Variants in MAF1 observed in about 807,000 individuals in gnomAD.
The protein encoded by MAF1 is MAF1 negative regulator of RNA polymerase III.
MAF1 carries 7 observed loss-of-function variants against 31.9 expected under a neutral mutation model. That is an observed-to-expected ratio of 0.22 (90% CI 0.12 to 0.41). MAF1 has a LOEUF of 0.41. MAF1 is among the 10% of genes least tolerant of loss of function. MAF1 has a pLI of 1.00. For missense variants in MAF1, 221 were observed against 323.1 expected, an observed-to-expected ratio of 0.68 and a Z score of 2.42; for synonymous variants, 157 against 120.0, an observed-to-expected ratio of 1.31 and a Z score of -2.02.
At chr8:144,106,806 C>A (rs1425908184) in intron 6 of MAF1, 29 bp from the exon 7 acceptor site, 1 of 1,538,926 alleles carries the variant, frequency 6.5e-7, no homozygotes, top group Admixed American at 2.0e-5. Flanking sequence ...GGTAGGGGTC[C>A]TGAAACTGGT....
In MAF1 at chr8:144,106,121, C is replaced by T. The variant is rs758085288; in HGVS notation, c.258C>T (p.Asp86=). 2 of 1,613,728 alleles carry T rather than the reference C, an allele frequency of 1.2e-6. No homozygotes were observed. Among genetic ancestry groups the T allele is most frequent in the Non-Finnish European group, 8.5e-7 (1 of 1,180,034 alleles). ...QGGEEEGPLS[D]KCSRKTLFYL... ...GTGAGGAGGAGGGCCCCCTCAGTGA[C>T]AAGTGCAGCCGCAAGACCCTCTTCT... The change falls in exon 4 of 8, where the codon GAC becomes GAT. Residue 86 remains aspartate (D), a synonymous_variant. Transcript: ENST00000322428.
rs1305886129 is a variant in MAF1 at position 144,105,637 on chromosome 8, C to T, written c.-44-3C>T. ...ACCCATGGTCTGGTCTCTCACTCCC[C>T]AGGCAATACTAGCCCCTCTGGAGCA... is the stretch of plus-strand genomic sequence containing the variant. On this transcript the variant is annotated splice_region_variant and splice_polypyrimidine_tract_variant and intron_variant, in intron 1 of 7. Coordinates refer to ENST00000322428, the MANE Select transcript of MAF1 (RefSeq NM_032272.5). The T allele has an allele frequency of 1.1e-5, 17 of 1,554,722 alleles. No homozygotes were observed. The highest frequency in any genetic ancestry group is 1.7e-5 in the Admixed American group (1 of 59,918).
Position 144,106,680 on chromosome 8 carries a change from C to T in MAF1, c.620+6C>T, listed in dbSNP as rs945467836. On this transcript the variant is annotated splice_donor_region_variant and intron_variant, in intron 6 of 7. Coordinates refer to ENST00000322428, the MANE Select transcript of MAF1 (RefSeq NM_032272.5). Reference sequence around the variant, plus strand: ...TTTAGCTGCCGTTCCATCAGGTGGGCACCCCCCGCCTCCTCCCCCACCTCC... The same window carrying T: ...TTTAGCTGCCGTTCCATCAGGTGGGTACCCCCCGCCTCCTCCCCCACCTCC... 3 of 1,610,680 alleles carry T rather than the reference C, an allele frequency of 1.9e-6. No individual in the cohort carries two copies. The African/African-American group carries it at 4.0e-5, about 22-fold the overall frequency.
In MAF1 at chr8:144,104,561, G is replaced by C. The variant is rs1292532532; in HGVS notation, c.-342G>C. 1 of 152,172 alleles carries C rather than the reference G, an allele frequency of 6.6e-6. No individual in the cohort carries two copies. The highest frequency in any genetic ancestry group is 2.4e-5 in the African/African-American group (1 of 41,450). The allele number at this position is 152,172 out of a possible 1,614,324, so 9.4% of individuals were successfully genotyped here. On this transcript the variant is annotated 5_prime_UTR_variant, in exon 1 of 8. Coordinates refer to ENST00000322428, the MANE Select transcript of MAF1 (RefSeq NM_032272.5). ...TCGCTCGGCTCGCTGACTCGCCGGA[G>C]CGCTCTGTGGCGGTCGGCGGCAGGT...
In MAF1 at chr8:144,107,183, G is replaced by T; in HGVS notation, c.*74G>T. On this transcript the variant is annotated 3_prime_UTR_variant, in exon 8 of 8. Transcript: ENST00000322428. ...GACCTGTCCACCTGAGAGGCCCCTG[G>T]GGCCTCCCCAGCTGCTGGCCAGACC... The T allele has an allele frequency of 6.5e-7, 1 of 1,536,210 alleles. No homozygotes were observed. Among genetic ancestry groups the T allele is most frequent in the Non-Finnish European group, 8.8e-7 (1 of 1,134,070 alleles).
In MAF1 at chr8:144,104,728, G is replaced by A. The variant is rs1283623735; in HGVS notation, c.-175G>A. ...CAGTGCGGCCCGAGCGGAGGCCGCG[G>A]CGCCGCCCTCCGATCTTGAAGAGCC... is the stretch of plus-strand genomic sequence containing the variant. On this transcript the variant is annotated 5_prime_UTR_variant, in exon 1 of 8. Coordinates refer to ENST00000322428, the MANE Select transcript of MAF1 (RefSeq NM_032272.5). 2.0e-5 allele frequency: 3 copies of A among 152,310 alleles called. No homozygotes were observed. The highest frequency in any genetic ancestry group is 7.2e-5 in the African/African-American group (3 of 41,560). 9.4% of individuals were successfully genotyped at this position (152,310 alleles called of 1,614,324 possible).
At chr8:144,105,164 C>G (rs1331876631) in intron 1 of MAF1, 1 of 155,500 alleles carries the variant, frequency 6.4e-6, no homozygotes, top group Non-Finnish European at 1.4e-5. Context: ...CCGCAGGGCC[C>G]GGAGTCCCAG....
In MAF1 at chr8:144,106,685, C is replaced by T; in HGVS notation, c.620+11C>T. ...CTGCCGTTCCATCAGGTGGGCACCC[C>T]CCGCCTCCTCCCCCACCTCCCTGTT... On this transcript the variant is annotated intron_variant, in intron 6 of 7. Transcript: ENST00000322428. 1.2e-6 allele frequency: 2 copies of T among 1,609,546 alleles called. No homozygotes were observed. The highest frequency in any genetic ancestry group is 1.7e-6 in the Non-Finnish European group (2 of 1,177,154).
chr8:144,106,858 A>T lies in MAF1; in HGVS notation c.644A>T (p.Glu215Val), dbSNP rs1230957498. ...SISGSTYTPS[E>V]AGNELDMELG... ...AGTGGCTCCACCTACACACCCTCAG[A>T]GGCAGGCAACGAGCTGGACATGGAG... is the stretch of plus-strand genomic sequence containing the variant. Residue 215 changes from glutamate to valine, a missense_variant, in exon 7 of 8, where the codon GAG (glutamate) becomes GTG (valine). Glu to Val is a moderately radical substitution (Grantham distance 121). Transcript: ENST00000322428. The T allele has an allele frequency of 6.5e-7, 1 of 1,531,992 alleles. No individual in the cohort carries two copies. Among genetic ancestry groups the T allele is most frequent in the Admixed American group, 2.1e-5 (1 of 47,198 alleles). The allele number at this position is 1,531,992 out of a possible 1,614,324, so 94.9% of individuals were successfully genotyped here.
rs1836371857 is a variant in MAF1 at position 144,104,596 on chromosome 8, GAGCGGGCTCTGTGGA to G, written c.-304_-290del. ...GCGGTCGGCGGCAGGTCGGTCGCGA[GAGCGGGCTCTGTGGA>G]AGGGGGCGAGGCTATGTCGCGGTGG... On this transcript the variant is annotated 5_prime_UTR_variant, in exon 1 of 8. Coordinates refer to ENST00000322428, the MANE Select transcript of MAF1 (RefSeq NM_032272.5). 1 of 152,232 alleles carries G rather than the reference GAGCGGGCTCTGTGGA, an allele frequency of 6.6e-6. No individual in the cohort carries two copies. The highest frequency in any genetic ancestry group is 2.4e-5 in the African/African-American group (1 of 41,448). The allele number at this position is 152,232 out of a possible 1,614,324, so 9.4% of individuals were successfully genotyped here.
At chr8:144,105,136 G>A (rs546841328) in intron 1 of MAF1, 22 of 154,340 alleles carry the variant, frequency 1.4e-4, no homozygotes, top group South Asian at 1.2e-3. Flanking sequence ...CAAAACGAAA[G>A]AGCGCCCGCC....
chr8:144,105,362 C>G (rs928583090), intron 1 of MAF1: 1 of 357,814 alleles, frequency 2.8e-6, no homozygotes, highest in African/African-American at 2.1e-5. Context: ...GCCAGCAGCC[C>G]CAGGGTGAGC....
chr8:144,107,186 C>T lies in MAF1; in HGVS notation c.*77C>T. On this transcript the variant is annotated 3_prime_UTR_variant, in exon 8 of 8. Transcript: ENST00000322428. ...CTGTCCACCTGAGAGGCCCCTGGGG[C>T]CTCCCCAGCTGCTGGCCAGACCCTG... is the stretch of plus-strand genomic sequence containing the variant. 6.5e-7 allele frequency: 1 copy of T among 1,527,728 alleles called. No individual in the cohort carries two copies. Among genetic ancestry groups the T allele is most frequent in the South Asian group, 1.2e-5 (1 of 83,618 alleles). 94.6% of individuals were successfully genotyped at this position (1,527,728 alleles called of 1,614,324 possible). A position where few individuals can be genotyped will look rare whatever the true frequency, so the allele number is the denominator to read the frequency against.
At position 144,106,972 on chromosome 8, in the gene MAF1, T is replaced by G. The variant is rs1369055999; in HGVS notation, c.749+9T>G. On this transcript the variant is annotated intron_variant, in intron 7 of 7. Coordinates refer to ENST00000322428, the MANE Select transcript of MAF1 (RefSeq NM_032272.5). ...ACCATGGAGGAGGACAGGTGTGTGA[T>G]GGGGGCCATGACCCGGGTCCTTGAA... 1.9e-6 allele frequency: 3 copies of G among 1,538,608 alleles called. No homozygotes were observed. In the African/African-American group the frequency reaches 4.1e-5, roughly 21 times the overall value.
intron 1 of MAF1, chr8:144,105,256 G>A (rs1836389271): frequency 5.4e-6 from 1 of 186,410 alleles, no homozygotes; most frequent in Non-Finnish European, 1.2e-5. Flanking sequence ...CAGGAGTCAC[G>A]TCCCGTTGCG....
chr8:144,106,298 T>C (rs1482921963), intron 4 of MAF1, 45 bp from the exon 5 acceptor site: 4 of 1,612,592 alleles, frequency 2.5e-6, no homozygotes, highest in South Asian at 1.1e-5. Context: ...TTCCCCACTT[T>C]GGGTAGCCCT....
rs1836440136 is a variant in MAF1, at chr8:144,107,590, C to T, written c.*481C>T. On this transcript the variant is annotated 3_prime_UTR_variant, in exon 8 of 8. Transcript: ENST00000322428. ...CACTTTGCTGCAGCTCGTTTCTTTC[C>T]AATAAAAGTTTCTGTGACTTAGTGT... The T allele has an allele frequency of 3.5e-6, 2 of 567,688 alleles. No individual in the cohort carries two copies. The allele number at this position is 567,688 out of a possible 1,614,324, so 35.2% of individuals were successfully genotyped here.
Position 144,106,830 on chromosome 8 carries a change from C to G in MAF1, c.621-5C>G. ...CCTGAAACTGGTTTCCCTGCCTCCCCTCAGTGGCTCCACCTACACACCCTC... is the reference window on the plus strand; with the variant it reads ...CCTGAAACTGGTTTCCCTGCCTCCCGTCAGTGGCTCCACCTACACACCCTC... On this transcript the variant is annotated splice_region_variant and splice_polypyrimidine_tract_variant and intron_variant, in intron 6 of 7. Coordinates refer to ENST00000322428, the MANE Select transcript of MAF1 (RefSeq NM_032272.5). 1 of 1,535,334 alleles carries G rather than the reference C, an allele frequency of 6.5e-7. No homozygotes were observed. The highest frequency in any genetic ancestry group is 1.3e-5 in the South Asian group (1 of 78,020).
chr8:144,106,980 A>G lies in MAF1; in HGVS notation c.749+17A>G, dbSNP rs1346177486. On this transcript the variant is annotated intron_variant, in intron 7 of 7. Transcript: ENST00000322428. ...GGAGGACAGGTGTGTGATGGGGGCC[A>G]TGACCCGGGTCCTTGAAGCCTGGAG... is the stretch of plus-strand genomic sequence containing the variant. The G allele has an allele frequency of 2.6e-6, 4 of 1,542,486 alleles. No individual in the cohort carries two copies. In the Admixed American group the frequency reaches 8.0e-5, roughly 31 times the overall value.
Sources: gnomAD v4.1 joint callset for allele counts on GRCh38, gnomAD v4.1.1 for gene constraint, MANE v1.5 for transcripts, NCBI Gene and HGNC (gene_info 2026-07-23, HGNC 2026-07-21) for gene names.